Variants in SORCS3 observed in about 807,000 individuals in gnomAD.
SORCS3 encodes the protein VPS10 domain-containing receptor SorCS3.
In SORCS3, 57 loss-of-function variants were observed where a neutral mutation model predicts 146.3. That is an observed-to-expected ratio of 0.39 (90% CI 0.31 to 0.49). SORCS3 has a LOEUF of 0.49. SORCS3 is among the 20% of genes least tolerant of loss of function. The pLI is 0.92. For missense variants in SORCS3, 1,341 were observed against 1,575.5 expected, an observed-to-expected ratio of 0.85 and a Z score of 2.52; for synonymous variants, 653 against 618.5, an observed-to-expected ratio of 1.06 and a Z score of -0.83.
chr10:105,259,980 A>T (rs1051557765), intron 25 of SORCS3, among the ~76,000 whole-genome samples: 1 of 152,212 alleles, frequency 6.6e-6, no homozygotes, highest in East Asian at 1.9e-4. Context: ...AGTGGAGTTC[A>T]GACTTATATT....
At chr10:105,263,218 G>A (rs2056971871) in intron 26 of SORCS3, 92 bp from the exon 27 acceptor site, 1 of 1,214,210 alleles carries the variant, frequency 8.2e-7, no homozygotes, top group African/African-American at 1.5e-5. Flanking sequence ...CACCTGTTCT[G>A]GGTGGCTTGG....
At chr10:105,223,528 G>A (rs1338261515) in intron 20 of SORCS3, among the ~76,000 whole-genome samples, 7 of 152,050 alleles carry the variant, frequency 4.6e-5, no homozygotes, top group Non-Finnish European at 8.8e-5. Flanking sequence ...AATTTCATTC[G>A]TTCCATTTTG....
At chr10:104,913,901 T>G (rs976025468) in intron 2 of SORCS3, among the ~76,000 whole-genome samples, 1 of 151,756 alleles carries the variant, frequency 6.6e-6, no homozygotes, top group African/African-American at 2.4e-5. Context: ...CTCCCAGAGC[T>G]GGGACTACAG....
chr10:105,039,190 A>G lies in SORCS3; in HGVS notation c.955-3865A>G, dbSNP rs572566986. On this transcript the variant is annotated intron_variant, in intron 4 of 26. Transcript: ENST00000369701. The stretch of plus-strand genomic sequence containing the variant: ...AGATGTGTAGGTGGAGAGGTTTTCA[A>G]GATCCAACTCGTGGTAGAATAAAAT... 9.2e-5 allele frequency among the ~76,000 whole-genome samples: 14 copies of G among 152,306 alleles called. No homozygotes were observed. In the East Asian group the frequency reaches 2.7e-3, roughly 29 times the overall value.
intron 19 of SORCS3, among the ~76,000 whole-genome samples, chr10:105,220,690 A>C (rs778298093): frequency 6.6e-6 from 1 of 152,158 alleles, no homozygotes; most frequent in Non-Finnish European, 1.5e-5. Flanking sequence ...GAAGTTTTTC[A>C]TCTCCCCCCT....
At chr10:104,840,097 G>A (rs1478345821) in intron 1 of SORCS3, among the ~76,000 whole-genome samples, 1 of 152,136 alleles carries the variant, frequency 6.6e-6, no homozygotes, top group East Asian at 1.9e-4. Flanking sequence ...TGTGGGCTTG[G>A]CAAGAGGTAG....
At chr10:105,006,955 G>A (rs1338081486) in intron 4 of SORCS3, among the ~76,000 whole-genome samples, 1 of 152,202 alleles carries the variant, frequency 6.6e-6, no homozygotes, top group Admixed American at 6.5e-5. Flanking sequence ...CTCTAGGAAG[G>A]AAAAGACTTG....
chr10:104,716,474 C>T (rs1326021439), intron 1 of SORCS3, among the ~76,000 whole-genome samples: 1 of 151,938 alleles, frequency 6.6e-6, no homozygotes, highest in Non-Finnish European at 1.5e-5. Flanking sequence ...AAATTCAGGG[C>T]TTCCTGATGC....
intron 3 of SORCS3, among the ~76,000 whole-genome samples, chr10:104,917,125 G>T (rs1202547656): frequency 6.6e-6 from 1 of 152,172 alleles, no homozygotes; most frequent in East Asian, 1.9e-4. Context: ...TAGCTCTAGG[G>T]ACTCTCAGGC....
At chr10:104,875,095 T>A (rs931026688) in intron 2 of SORCS3, among the ~76,000 whole-genome samples, 1 of 152,128 alleles carries the variant, frequency 6.6e-6, no homozygotes, top group African/African-American at 2.4e-5. Flanking sequence ...GTCACATGTC[T>A]TATCTTCCTT....
At chr10:105,096,139 A>C (rs369642372) in intron 6 of SORCS3, among the ~76,000 whole-genome samples, 2,397 of 118,404 alleles carry the variant, frequency 0.02, 27 homozygotes, top group Non-Finnish European at 0.035. Flanking sequence ...CACAGACACA[A>C]ACAAACAAGC....
Position 105,101,207 on chromosome 10 carries a change from C to T in SORCS3, c.1094-4190C>T, listed in dbSNP as rs115768213. ...ATAGAATCTCTATAACTGTATTCAG[C>T]CTCATTTGGAAGTAATGTCTAGAAT... is the stretch of plus-strand genomic sequence containing the variant. On this transcript the variant is annotated intron_variant, in intron 6 of 26. Coordinates refer to ENST00000369701, the MANE Select transcript of SORCS3 (RefSeq NM_014978.3). 1.0e-3 allele frequency among the ~76,000 whole-genome samples: 155 copies of T among 152,298 alleles called. 1 individual carries two copies. Among genetic ancestry groups the T allele is most frequent in the African/African-American group, 3.6e-3 (151 of 41,548 alleles).
At chr10:104,996,799 A>T (rs1276790514) in intron 4 of SORCS3, among the ~76,000 whole-genome samples, 2 of 152,180 alleles carry the variant, frequency 1.3e-5, no homozygotes, top group Non-Finnish European at 2.9e-5. Context: ...TTCAGAGCTA[A>T]GACTTAATAA....
rs535538215 is a variant in SORCS3, at chr10:104,995,055, T to G, written c.954+17562T>G. 2.0e-5 allele frequency among the ~76,000 whole-genome samples: 3 copies of G among 152,262 alleles called. No homozygotes were observed. The East Asian group carries it at 5.8e-4, about 29-fold the overall frequency. On this transcript the variant is annotated intron_variant, in intron 4 of 26. Transcript: ENST00000369701. ...GCTATTTTTTCATTTCCACTAATAA[T>G]TCATGAGATTTACAGTTTCTTTATA...
intron 1 of SORCS3, among the ~76,000 whole-genome samples, chr10:104,671,661 G>A (rs887982536): frequency 6.6e-6 from 1 of 151,972 alleles, no homozygotes; most frequent in Middle Eastern, 3.4e-3. Flanking sequence ...TCTATTCCTA[G>A]TTTGTTGAGT....
intron 2 of SORCS3, among the ~76,000 whole-genome samples, chr10:104,889,491 T>C (rs2018727194): frequency 6.6e-6 from 1 of 151,760 alleles, no homozygotes; most frequent in Non-Finnish European, 1.5e-5. Flanking sequence ...TTTATCTTCT[T>C]TTTGACTTGC....
At chr10:105,073,050 G>T (rs1333686824) in intron 5 of SORCS3, among the ~76,000 whole-genome samples, 1 of 152,148 alleles carries the variant, frequency 6.6e-6, no homozygotes, top group Non-Finnish European at 1.5e-5. Flanking sequence ...GGGTAGTGGG[G>T]CCAGGATTTA....
At chr10:104,987,185 G>A (rs1406312104) in intron 4 of SORCS3, among the ~76,000 whole-genome samples, 5 of 151,594 alleles carry the variant, frequency 3.3e-5, no homozygotes, top group East Asian at 1.9e-4. Context: ...AATGAAGGAC[G>A]GAACGAAAGA....
At chr10:105,134,872 G>T (rs572003838) in intron 7 of SORCS3, among the ~76,000 whole-genome samples, 2 of 152,064 alleles carry the variant, frequency 1.3e-5, no homozygotes, top group African/African-American at 2.4e-5. Flanking sequence ...TCTCATCTGC[G>T]TATCATCTTA....
Sources: allele counts gnomAD v4.1 joint callset (sites outside exome capture counted in the v4.1 genomes callset), GRCh38; gene constraint gnomAD v4.1.1; transcripts MANE v1.5; gene names NCBI Gene and HGNC (gene_info 2026-07-23, HGNC 2026-07-21).